NUMB: variants seen among roughly 807,000 people sequenced by gnomAD.
The protein encoded by NUMB is protein numb homolog.
Under a neutral mutation model 59.7 loss-of-function variants are expected in NUMB, and 29 were observed. That is an observed-to-expected ratio of 0.49 (90% CI 0.36 to 0.66). The LOEUF (loss-of-function observed/expected upper bound fraction) is 0.66. Ranked by LOEUF, NUMB falls within the 30% of genes least tolerant of loss-of-function variation. NUMB has a pLI of 0.00. For synonymous variants in NUMB, 288 were observed against 288.2 expected (o/e 1.00, Z 0.01); for missense variants, 723 against 822.0 (o/e 0.88, Z 1.47).
intron 3 of NUMB, among the ~76,000 whole-genome samples, chr14:73,365,908 G>A (rs902370078): frequency 6.6e-6 from 1 of 152,124 alleles, no homozygotes; most frequent in African/African-American, 2.4e-5. Flanking sequence ...ATGTGCTGTG[G>A]TCCCACTGGT....
chr14:73,406,381 G>T (rs1039516809), intron 2 of NUMB, among the ~76,000 whole-genome samples: 6 of 151,900 alleles, frequency 3.9e-5, no homozygotes, highest in Admixed American at 2.0e-4. Context: ...TGCTGAGAAT[G>T]ATGGTTTCCA....
intron 5 of NUMB, among the ~76,000 whole-genome samples, chr14:73,319,630 G>A (rs1891289989): frequency 6.6e-6 from 1 of 152,186 alleles, no homozygotes; most frequent in Non-Finnish European, 1.5e-5. Flanking sequence ...ATCTGGCAAA[G>A]TAGGTTGTAG....
At chr14:73,365,386 A>C (rs184161877) in intron 3 of NUMB, among the ~76,000 whole-genome samples, 228 of 152,318 alleles carry the variant, frequency 1.5e-3, no homozygotes, top group African/African-American at 5.3e-3. Flanking sequence ...ATTTACTGAA[A>C]AATATTTTAA....
At chr14:73,447,182 T>A (rs1321293175) in intron 1 of NUMB, among the ~76,000 whole-genome samples, 1 of 121,306 alleles carries the variant, frequency 8.2e-6, no homozygotes, top group Non-Finnish European at 1.7e-5. Context: ...CGAGACTCCA[T>A]CTCAAAAAAA....
intron 7 of NUMB, among the ~76,000 whole-genome samples, chr14:73,295,059 CAAAAA>C (rs1168287763): frequency 4.5e-5 from 3 of 67,210 alleles, no homozygotes; most frequent in African/African-American, 1.8e-4. Context: ...GGCACTGTCT[CAAAAA>C]AAAAAAAAAA....
chr14:73,452,748 A>G (rs560665691), intron 1 of NUMB, among the ~76,000 whole-genome samples: 46 of 152,334 alleles, frequency 3.0e-4, no homozygotes, highest in Middle Eastern at 3.4e-3. Flanking sequence ...CTGCAGAAGC[A>G]GAGATAAGAA....
chr14:73,371,865 G>C (rs957750441), intron 2 of NUMB, among the ~76,000 whole-genome samples: 1 of 152,094 alleles, frequency 6.6e-6, no homozygotes. Flanking sequence ...AGAACTGTGA[G>C]AAAATAAAAT....
At chr14:73,439,777 A>G (rs1882886148) in intron 1 of NUMB, among the ~76,000 whole-genome samples, 1 of 152,180 alleles carries the variant, frequency 6.6e-6, no homozygotes, top group Admixed American at 6.5e-5. Flanking sequence ...AGGAGAGAGA[A>G]AGAGAAAGGA....
chr14:73,446,052 A>T (rs2140198255), intron 1 of NUMB, among the ~76,000 whole-genome samples: 1 of 147,334 alleles, frequency 6.8e-6, no homozygotes, highest in East Asian at 2.0e-4. Flanking sequence ...GCTCGAGTCC[A>T]GTGGCACGAT....
chr14:73,391,071 T>G (rs1281680499), intron 2 of NUMB, among the ~76,000 whole-genome samples: 1 of 152,036 alleles, frequency 6.6e-6, no homozygotes, highest in Non-Finnish European at 1.5e-5. Context: ...GAATATATAT[T>G]CAAACTCTTT....
intron 3 of NUMB, among the ~76,000 whole-genome samples, chr14:73,363,915 C>A (rs1894210434): frequency 6.6e-6 from 1 of 152,118 alleles, no homozygotes; most frequent in African/African-American, 2.4e-5. Flanking sequence ...TACCATTGCA[C>A]CGGACTGGGT....
rs536991225 is a variant in NUMB at position 73,279,082 on chromosome 14, C to T, written c.1240+199G>A. The stretch of plus-strand genomic sequence containing the variant: ...GGCTCTGTTCCACAGTCCTGTTCCA[C>T]AGTCCTAATGACTATCAGTCTGATC... On this transcript the variant is annotated intron_variant, in intron 12 of 12. Transcript: ENST00000555238. Among the ~76,000 whole-genome samples, 233 of 152,344 alleles carry T rather than the reference C, an allele frequency of 1.5e-3. 1 individual carries two copies. Among genetic ancestry groups the T allele is most frequent in the African/African-American group, 5.3e-3 (221 of 41,570 alleles).
In NUMB at chr14:73,432,912, A is replaced by C. The variant is rs139706877; in HGVS notation, c.-232-22844T>G. On this transcript the variant is annotated intron_variant, in intron 1 of 12. Coordinates refer to ENST00000555238, the MANE Select transcript of NUMB (RefSeq NM_001005743.2). ...TATGCAGGGAACTCAGAAAGAAAGA[A>C]GAGAATTTTTGACCAGACATGGTGG... 2.4e-3 allele frequency among the ~76,000 whole-genome samples: 371 copies of C among 152,314 alleles called. 1 individual carries two copies. The highest frequency in any genetic ancestry group is 8.8e-3 in the African/African-American group (365 of 41,588).
At chr14:73,357,904 C>A (rs912565571) in intron 3 of NUMB, among the ~76,000 whole-genome samples, 38 of 144,476 alleles carry the variant, frequency 2.6e-4, no homozygotes, top group Admixed American at 1.2e-3. Flanking sequence ...AAAAAAAAAA[C>A]CCACCAAAAA....
chr14:73,294,406 A>C (rs1889619288), intron 7 of NUMB, among the ~76,000 whole-genome samples: 1 of 152,110 alleles, frequency 6.6e-6, no homozygotes, highest in Non-Finnish European at 1.5e-5. Flanking sequence ...TAGTTGGGCT[A>C]TTTGGAGTCT....
chr14:73,425,211 G>C (rs1897527775), intron 1 of NUMB, among the ~76,000 whole-genome samples: 1 of 152,096 alleles, frequency 6.6e-6, no homozygotes. Flanking sequence ...ATGCAATAGA[G>C]CTTAAAGGAG....
chr14:73,362,102 C>T (rs1029382215), intron 3 of NUMB, among the ~76,000 whole-genome samples: 5 of 151,822 alleles, frequency 3.3e-5, no homozygotes, highest in East Asian at 1.9e-4. Context: ...ACAAAAAATA[C>T]AAAAACTAGC....
intron 6 of NUMB, among the ~76,000 whole-genome samples, chr14:73,301,166 A>G (rs1176848808): frequency 6.6e-6 from 1 of 152,258 alleles, no homozygotes; most frequent in Non-Finnish European, 1.5e-5. Flanking sequence ...TACGCTAAAT[A>G]TCTGTTGTAG....
chr14:73,362,929 G>A (rs752567011), intron 3 of NUMB, among the ~76,000 whole-genome samples: 14 of 151,552 alleles, frequency 9.2e-5, no homozygotes, highest in Admixed American at 5.9e-4. Flanking sequence ...CAGGAGGATC[G>A]TTTGAGTCTA....
Sources: allele counts gnomAD v4.1 joint callset (sites outside exome capture counted in the v4.1 genomes callset), GRCh38; gene constraint gnomAD v4.1.1; transcripts MANE v1.5; gene names NCBI Gene and HGNC (gene_info 2026-07-23, HGNC 2026-07-21).